The following MIER1 variants were observed in gnomAD, a reference collection of about 807,000 sequenced individuals.
MIER1 encodes MIER1 transcriptional regulator.
Under a neutral mutation model 75.7 loss-of-function variants are expected in MIER1, and 40 were observed. The ratio of observed to expected loss-of-function variants is 0.53; its 90% confidence interval spans 0.41 to 0.69. The LOEUF (loss-of-function observed/expected upper bound fraction) is 0.69. MIER1 is among the 30% of genes least tolerant of loss of function. The pLI is 0.00. For synonymous variants in MIER1, 213 were observed against 223.4 expected, an observed-to-expected ratio of 0.95 and a Z score of 0.42; for missense variants, 574 against 680.2, an observed-to-expected ratio of 0.84 and a Z score of 1.74.
At chr1:66,967,313 T>G (rs1466898764) in intron 8 of MIER1, among the ~76,000 whole-genome samples, 1 of 152,166 alleles carries the variant, frequency 6.6e-6, no homozygotes, top group Admixed American at 6.5e-5. Flanking sequence ...GAGTTCACTG[T>G]AGGTATGTGA....
intron 3 of MIER1, 28 bp from the exon 4 acceptor site, chr1:66,946,122 C>G (rs1218032735): frequency 1.3e-6 from 2 of 1,576,718 alleles, no homozygotes; most frequent in Non-Finnish European, 1.7e-6. Flanking sequence ...ATTTGGTTTA[C>G]CAAACTTTTT....
intron 11 of MIER1, among the ~76,000 whole-genome samples, chr1:66,975,480 G>A (rs559655586): frequency 6.1e-4 from 92 of 151,820 alleles, no homozygotes; most frequent in Non-Finnish European, 1.1e-3. Context: ...TTAGCGGTTT[G>A]GTGCCACTGT....
chr1:66,981,804 G>A lies in MIER1; in HGVS notation c.1255G>A (p.Glu419Lys), dbSNP rs374885407. ...VTDYMDRLLD[E>K]SESAASSRAP... ...GGATTACATGGATCGTCTTCTAGAC[G>A]AAAGTGAAAGTGCTGCATCTAGTCG... Residue 419 changes from glutamate to lysine, a missense_variant, in exon 13 of 14, where the codon GAA (glutamate) becomes AAA (lysine). Transcript: ENST00000401041. 4 of 1,613,546 alleles carry A rather than the reference G, an allele frequency of 2.5e-6. No homozygotes were observed. Among genetic ancestry groups the A allele is most frequent in the Non-Finnish European group, 1.7e-6 (2 of 1,179,652 alleles).
chr1:66,948,816 T>G (rs575266430), intron 4 of MIER1, among the ~76,000 whole-genome samples: 1 of 152,174 alleles, frequency 6.6e-6, no homozygotes, highest in Non-Finnish European at 1.5e-5. Flanking sequence ...GGAGGATTGC[T>G]GGGGTCCAGG....
At chr1:66,972,458 T>C (rs997084463) in intron 10 of MIER1, among the ~76,000 whole-genome samples, 5 of 151,802 alleles carry the variant, frequency 3.3e-5, no homozygotes, top group Admixed American at 6.6e-5. Flanking sequence ...ACTTAACCTA[T>C]TTGCAGAGAG....
At chr1:66,940,075 A>G (rs372023817) in intron 3 of MIER1, 23 bp downstream of exon 3, 6 of 1,573,104 alleles carry the variant, frequency 3.8e-6, no homozygotes, top group Admixed American at 3.4e-5. Context: ...CATATTTTTT[A>G]TAATCTCGAT....
intron 8 of MIER1, among the ~76,000 whole-genome samples, chr1:66,965,682 A>T (rs3008874): frequency 0.78 from 119,040 of 152,130 alleles, 46,927 homozygotes; most frequent in East Asian, 0.88. Context: ...TTATACTCTT[A>T]TAGTTCTTTA....
At chr1:66,944,774 G>A (rs1487623328) in intron 3 of MIER1, among the ~76,000 whole-genome samples, 3 of 151,890 alleles carry the variant, frequency 2.0e-5, no homozygotes, top group African/African-American at 7.3e-5. Context: ...CTCCCAGGCT[G>A]GAATGCAGTA....
chr1:66,929,868 G>A (rs553891271), intron 2 of MIER1, among the ~76,000 whole-genome samples: 6 of 152,344 alleles, frequency 3.9e-5, no homozygotes, highest in African/African-American at 1.4e-4. Flanking sequence ...TGCCGCCGTT[G>A]CATCACAGCA....
chr1:66,971,524 A>C, intron 9 of MIER1, 131 bp from the exon 10 acceptor site: 1 of 565,448 alleles, frequency 1.8e-6, no homozygotes, highest in Non-Finnish European at 3.2e-6. Context: ...AGTTCTCTAT[A>C]TATAACATTC....
chr1:66,935,254 T>A (rs1654500099), intron 2 of MIER1, among the ~76,000 whole-genome samples: 1 of 152,182 alleles, frequency 6.6e-6, no homozygotes, highest in Non-Finnish European at 1.5e-5. Context: ...TTTCAGCAAA[T>A]CTGAGGCATT....
At chr1:66,932,411 G>C (rs1298734573) in intron 2 of MIER1, among the ~76,000 whole-genome samples, 13 of 152,148 alleles carry the variant, frequency 8.5e-5, no homozygotes, top group Non-Finnish European at 2.9e-5. Flanking sequence ...ATAGTTTCAT[G>C]TATAGTGAAT....
chr1:66,983,312 T>C (rs1666259446), intron 13 of MIER1, among the ~76,000 whole-genome samples: 1 of 152,234 alleles, frequency 6.6e-6, no homozygotes, highest in African/African-American at 2.4e-5. Context: ...TTCTCTTCAA[T>C]ATATTATGAT....
chr1:66,959,337 C>T (rs554295060), intron 6 of MIER1, among the ~76,000 whole-genome samples: 1 of 151,802 alleles, frequency 6.6e-6, no homozygotes, highest in South Asian at 2.1e-4. Context: ...ATAAATACAC[C>T]TAAATTTCTC....
intron 2 of MIER1, among the ~76,000 whole-genome samples, chr1:66,933,768 T>C (rs767043285): frequency 2.0e-4 from 31 of 152,188 alleles, no homozygotes; most frequent in Admixed American, 5.2e-4. Flanking sequence ...TCTTAATTCA[T>C]TGGCAGTTAA....
chr1:66,926,789 T>C (rs1037803035), intron 2 of MIER1, among the ~76,000 whole-genome samples: 13 of 152,294 alleles, frequency 8.5e-5, no homozygotes, highest in African/African-American at 2.9e-4. Flanking sequence ...ATAGAATTTT[T>C]TAGTTTTGGA....
chr1:66,929,554 T>C lies in MIER1; in HGVS notation c.168+3312T>C, dbSNP rs566416486. On this transcript the variant is annotated intron_variant, in intron 2 of 13. Transcript: ENST00000401041. ...TTACAGGCATTTCAGGCATTGCAAA[T>C]AAGTAGGTTCTCCCTCCATGCTACT... Among the ~76,000 whole-genome samples, 4 of 152,344 alleles carry C rather than the reference T, an allele frequency of 2.6e-5. No individual in the cohort carries two copies. The East Asian group carries it at 5.8e-4, about 22-fold the overall frequency.
At chr1:66,959,990 A>C (rs577683293) in intron 7 of MIER1, 1 of 227,238 alleles carries the variant, frequency 4.4e-6, no homozygotes, top group Non-Finnish European at 8.5e-6. Context: ...AGGCTGAGGC[A>C]GGCGGATCGC....
chr1:66,976,622 G>A lies in MIER1; in HGVS notation c.1129G>A (p.Val377Ile), dbSNP rs766045674. 4 of 1,604,764 alleles carry A rather than the reference G, an allele frequency of 2.5e-6. No homozygotes were observed. The Admixed American group carries it at 5.1e-5, about 21-fold the overall frequency. ...KVRTRSVGEC[V>I]AFYYMWKKSE... ...CCGAACAAGGTCAGTTGGTGAATGTGTAGCATTCTATTACATGTGGAAAAA... is the reference window on the plus strand; with the variant it reads ...CCGAACAAGGTCAGTTGGTGAATGTATAGCATTCTATTACATGTGGAAAAA... Residue 377 changes from valine (V) to isoleucine (I), a missense_variant, in exon 12 of 14, where the codon GTA becomes ATA. By Grantham distance (29) the Val-to-Ile change is conservative. Transcript: ENST00000401041.
Sources: gnomAD v4.1 joint callset for allele counts (sites outside exome capture counted in the v4.1 genomes callset) on GRCh38, gnomAD v4.1.1 for gene constraint, MANE v1.5 for transcripts, NCBI Gene and HGNC (gene_info 2026-07-23, HGNC 2026-07-21) for gene names.